NOX4: variants seen among roughly 807,000 people sequenced by gnomAD.
NOX4 encodes the protein NADPH oxidase 4, also known as kidney oxidase-1.
Under a neutral mutation model 87.6 loss-of-function variants are expected in NOX4, and 69 were observed. The ratio of observed to expected loss-of-function variants is 0.79; its 90% confidence interval spans 0.65 to 0.96. NOX4 has a LOEUF of 0.96. Ranked by LOEUF, NOX4 falls within the 40% of genes least tolerant of loss-of-function variation. The pLI is 0.00. For missense variants in NOX4, 680 were observed against 681.5 expected (o/e 1.00, Z 0.02); for synonymous variants, 275 against 238.2 (o/e 1.15, Z -1.42).
chr11:89,462,770 G>T (rs774239823), intron 2 of NOX4, among the ~76,000 whole-genome samples: 2 of 151,676 alleles, frequency 1.3e-5, no homozygotes, highest in Non-Finnish European at 2.9e-5. Flanking sequence ...TTAATCTTTT[G>T]GACATTAGCG....
chr11:89,495,432 A>G (rs1591384879), upstream of NOX4, among the ~76,000 whole-genome samples: 1 of 151,004 alleles, frequency 6.6e-6, no homozygotes, highest in Non-Finnish European at 1.5e-5. Context: ...GTGTCAAATC[A>G]CCCTCTGCCT....
At chr11:89,464,116 AT>A (rs1296681038) in intron 2 of NOX4, among the ~76,000 whole-genome samples, 1 of 152,098 alleles carries the variant, frequency 6.6e-6, no homozygotes, top group Non-Finnish European at 1.5e-5. Context: ...TTTAAAGAAA[AT>A]TTTTATATAT....
intron 8 of NOX4, among the ~76,000 whole-genome samples, chr11:89,415,764 T>C (rs935710074): frequency 1.3e-5 from 2 of 152,096 alleles, no homozygotes; most frequent in Non-Finnish European, 2.9e-5. Context: ...ATAACGAGTA[T>C]GCCAGACTCA....
the NOX4 span, among the ~76,000 whole-genome samples, chr11:89,587,371 G>A: frequency 4.6e-5 from 7 of 152,248 alleles, no homozygotes; most frequent in African/African-American, 7.2e-5. Flanking sequence ...TTAAAATGGC[G>A]AGTTTCAGAT....
chr11:89,403,239 C>G (rs2135190965), intron 8 of NOX4, among the ~76,000 whole-genome samples: 1 of 152,264 alleles, frequency 6.6e-6, no homozygotes, highest in Admixed American at 6.5e-5. Context: ...CTTTCTGTGT[C>G]CTGCCTTTCT....
At chr11:89,534,535 C>A in the NOX4 span, among the ~76,000 whole-genome samples, 1 of 152,180 alleles carries the variant, frequency 6.6e-6, no homozygotes, top group African/African-American at 2.4e-5. Flanking sequence ...CCCACAGAAT[C>A]GTGTTTTGTC....
At chr11:89,432,980 C>T (rs1295600458) in intron 6 of NOX4, 124 bp from the exon 7 acceptor site, 2 of 655,948 alleles carry the variant, frequency 3.0e-6, no homozygotes, top group African/African-American at 1.8e-5. Flanking sequence ...AATCCCACAT[C>T]TACATGTATG....
At chr11:89,521,831 A>G in the NOX4 span, among the ~76,000 whole-genome samples, 1 of 152,114 alleles carries the variant, frequency 6.6e-6, no homozygotes, top group Admixed American at 6.6e-5. Context: ...AAACAACTGA[A>G]CAAGCAAAAA....
chr11:89,331,604 T>G (rs956031256), intron 17 of NOX4, among the ~76,000 whole-genome samples: 5 of 151,894 alleles, frequency 3.3e-5, no homozygotes, highest in Non-Finnish European at 5.9e-5. Context: ...CGCCATATGA[T>G]GGCAATAAGA....
intron 17 of NOX4, among the ~76,000 whole-genome samples, chr11:89,328,168 C>T (rs989312725): frequency 3.9e-5 from 6 of 152,116 alleles, no homozygotes; most frequent in African/African-American, 7.2e-5. Flanking sequence ...CACAGAAAGA[C>T]GCCTCGGAGA....
intron 11 of NOX4, among the ~76,000 whole-genome samples, chr11:89,392,102 T>C (rs1229149948): frequency 6.6e-6 from 1 of 152,114 alleles, no homozygotes; most frequent in Non-Finnish European, 1.5e-5. Flanking sequence ...TTATCCTTTT[T>C]TCTCCTCTCT....
intron 8 of NOX4, among the ~76,000 whole-genome samples, chr11:89,419,136 A>G (rs1408012711): frequency 6.6e-6 from 1 of 152,104 alleles, no homozygotes; most frequent in Non-Finnish European, 1.5e-5. Context: ...ATGACTAGAC[A>G]TCATGCAATA....
rs960901329 is a variant in NOX4 at position 89,428,507 on chromosome 11, G to A, written c.548+4277C>T. ...CAGACACACATAGGCTCAAAATAAA[G>A]GGATGGAGGAAGATCTACCAAGCAA... On this transcript the variant is annotated intron_variant, in intron 7 of 17. Transcript: ENST00000263317. 2.8e-3 allele frequency among the ~76,000 whole-genome samples: 431 copies of A among 151,840 alleles called. 1 individual carries two copies. Among genetic ancestry groups the A allele is most frequent in the African/African-American group, 8.6e-3 (355 of 41,322 alleles).
At chr11:89,358,386 CAAAAAA>C (rs10558391) in intron 12 of NOX4, among the ~76,000 whole-genome samples, 24 of 78,192 alleles carry the variant, frequency 3.1e-4, no homozygotes, top group African/African-American at 1.1e-3. Flanking sequence ...AACTTAATCT[CAAAAAA>C]AAAAAAAAAA....
the NOX4 span, among the ~76,000 whole-genome samples, chr11:89,564,798 C>A: frequency 6.6e-6 from 1 of 151,338 alleles, no homozygotes; most frequent in Non-Finnish European, 1.5e-5. Flanking sequence ...ATAGTGGGCT[C>A]ATTCTTCCCT....
intron 2 of NOX4, among the ~76,000 whole-genome samples, chr11:89,468,670 T>A (rs1945805347): frequency 6.6e-6 from 1 of 152,192 alleles, no homozygotes; most frequent in South Asian, 2.1e-4. Flanking sequence ...TAACCTATTC[T>A]ATTATATTGG....
At chr11:89,531,725 C>G in the NOX4 span, among the ~76,000 whole-genome samples, 2 of 152,336 alleles carry the variant, frequency 1.3e-5, no homozygotes, top group South Asian at 4.1e-4. Flanking sequence ...TCTTCACCTT[C>G]TGCAAAAACA....
chr11:89,399,278 T>C (rs1158679026), intron 11 of NOX4, among the ~76,000 whole-genome samples: 12 of 151,100 alleles, frequency 7.9e-5, no homozygotes, highest in Middle Eastern at 3.4e-3. Context: ...TTACCTTTTC[T>C]AAACACTGCC....
chr11:89,420,550 C>A (rs550201647), intron 8 of NOX4, among the ~76,000 whole-genome samples: 2 of 151,960 alleles, frequency 1.3e-5, no homozygotes, highest in South Asian at 4.2e-4. Context: ...ACAAAGCTAA[C>A]CAGGACATAT....
Sources: gnomAD v4.1 joint callset for allele counts (sites outside exome capture counted in the v4.1 genomes callset) on GRCh38, gnomAD v4.1.1 for gene constraint, MANE v1.5 for transcripts, NCBI Gene and HGNC (gene_info 2026-07-23, HGNC 2026-07-21) for gene names.